Variants in STK3 observed in about 807,000 individuals in gnomAD.
STK3 encodes the protein serine/threonine-protein kinase 3.
Under a neutral mutation model 58.0 loss-of-function variants are expected in STK3, and 41 were observed. The ratio of observed to expected loss-of-function variants is 0.71; its 90% CI spans 0.55 to 0.92. STK3 has a LOEUF of 0.92. STK3 is among the 40% of genes least tolerant of loss of function. STK3 has a pLI of 0.00. For synonymous variants in STK3, 170 were observed against 191.0 expected (o/e 0.89, Z 0.91); for missense variants, 479 against 602.7 (o/e 0.79, Z 2.15).
At chr8:98,877,413 G>T (rs571189637) in intron 3 of STK3, among the ~76,000 whole-genome samples, 75 of 152,100 alleles carry the variant, frequency 4.9e-4, no homozygotes, top group African/African-American at 1.5e-3. Flanking sequence ...TCACTCCTAG[G>T]CTCACTTAAA....
chr8:98,814,050 T>A (rs1368794786), intron 1 of STK3, among the ~76,000 whole-genome samples: 2 of 152,158 alleles, frequency 1.3e-5, no homozygotes, highest in Non-Finnish European at 2.9e-5. Context: ...AATCTTTAAT[T>A]GATTTTTTTC....
At chr8:98,396,344 G>A (rs965988391) in intron 3 of STK3, among the ~76,000 whole-genome samples, 1 of 152,214 alleles carries the variant, frequency 6.6e-6, no homozygotes, top group Non-Finnish European at 1.5e-5. Flanking sequence ...AGCATCCAAA[G>A]CAATTGTGTA....
intron 1 of STK3, chr8:98,905,117 A>G (rs1838839409): frequency 6.9e-7 from 1 of 1,439,800 alleles, no homozygotes; most frequent in Non-Finnish European, 9.7e-7. Flanking sequence ...AGTCTGCCAC[A>G]CGACCCGTAC....
chr8:98,590,312 C>T (rs552998305), intron 7 of STK3, among the ~76,000 whole-genome samples: 8 of 152,272 alleles, frequency 5.3e-5, no homozygotes, highest in African/African-American at 1.7e-4. Flanking sequence ...GCCCTGATGC[C>T]GTTCCTTTCT....
At chr8:98,592,735 T>TTATG (rs1178325596) in intron 7 of STK3, among the ~76,000 whole-genome samples, 1 of 89,134 alleles carries the variant, frequency 1.1e-5, no homozygotes, top group Non-Finnish European at 2.2e-5. Context: ...CTGACTTACT[T>TTATG]TATTTATTTA....
chr8:98,436,787 A>G (rs1176573621), intron 2 of STK3: 2 of 152,340 alleles, frequency 1.3e-5, no homozygotes, highest in East Asian at 3.9e-4. Context: ...AAAGGCTCCC[A>G]GGTGACTTGG....
chr8:98,722,856 A>T (rs1387044138), intron 4 of STK3: 4 of 497,322 alleles, frequency 8.0e-6, no homozygotes, highest in Non-Finnish European at 1.6e-5. Flanking sequence ...ATGAGAGAGG[A>T]TCTGCTTCAT....
intron 3 of STK3, among the ~76,000 whole-genome samples, chr8:98,856,486 A>G (rs963085429): frequency 2.0e-5 from 3 of 152,252 alleles, no homozygotes; most frequent in African/African-American, 7.2e-5. Context: ...AAGGAGACGC[A>G]AACTGAAGCC....
chr8:98,677,621 A>G (rs1175261016), intron 6 of STK3, among the ~76,000 whole-genome samples: 2 of 151,982 alleles, frequency 1.3e-5, no homozygotes, highest in Admixed American at 1.3e-4. Context: ...ACATTTGTAA[A>G]AGGTCATCAA....
rs367659493 is a variant in STK3, at chr8:98,548,120, A to G, written c.990T>C (p.Ser330=). ...ELDSHTMVKT[S]VESVGTMRAT... is the part of the protein sequence containing the mutation. ...CCCGCATGGTGCCCACACTCTCCAC[A>G]CTAGTCTTCACCATGGTGTGGGAAT... is the stretch of plus-strand genomic sequence containing the variant. Residue 330 remains serine (S), a synonymous_variant, in exon 9 of 11, where the codon AGT becomes AGC. Coordinates refer to ENST00000419617, the MANE Select transcript of STK3 (RefSeq NM_006281.4). 468 of 1,592,446 alleles carry G rather than the reference A, an allele frequency of 2.9e-4. 1 individual carries two copies. The highest frequency in any genetic ancestry group is 5.5e-4 in the Admixed American group (31 of 56,578).
chr8:98,444,176 G>A (rs776450130), intron 1 of STK3, among the ~76,000 whole-genome samples: 12 of 152,172 alleles, frequency 7.9e-5, no homozygotes, highest in South Asian at 2.1e-4. Flanking sequence ...CAGAAAGTGC[G>A]GTGACAGTGA....
intron 3 of STK3, chr8:98,431,101 T>C (rs1818319124): frequency 6.0e-6 from 1 of 167,122 alleles, no homozygotes; most frequent in South Asian, 2.1e-4. Flanking sequence ...ATCCAAAGGT[T>C]GGGCCTCTTC....
At chr8:98,408,338 T>C (rs760547347) in intron 3 of STK3, among the ~76,000 whole-genome samples, 1 of 152,206 alleles carries the variant, frequency 6.6e-6, no homozygotes, top group Non-Finnish European at 1.5e-5. Flanking sequence ...ACAACAATAA[T>C]AATAAGCTAA....
intron 3 of STK3, among the ~76,000 whole-genome samples, chr8:98,852,224 G>A (rs1388620363): frequency 2.0e-5 from 3 of 151,096 alleles, no homozygotes; most frequent in East Asian, 1.9e-4. Context: ...TGCAACCTCC[G>A]CCTCCCAGGT....
intron 8 of STK3, among the ~76,000 whole-genome samples, chr8:98,560,414 A>G (rs902054494): frequency 1.3e-5 from 2 of 152,080 alleles, no homozygotes; most frequent in Non-Finnish European, 2.9e-5. Flanking sequence ...TTTCTTACAT[A>G]CCAGCAATAA....
At chr8:98,456,617 TTTCTTCTTC>T (rs370788495) in intron 10 of STK3, among the ~76,000 whole-genome samples, 1 of 152,082 alleles carries the variant, frequency 6.6e-6, no homozygotes, top group African/African-American at 2.4e-5. Flanking sequence ...TTGGTTTTCT[TTTCTTCTTC>T]TTCTTCTTCT....
intron 3 of STK3, among the ~76,000 whole-genome samples, chr8:98,420,998 C>G (rs910667932): frequency 4.6e-5 from 7 of 152,232 alleles, no homozygotes; most frequent in Non-Finnish European, 1.0e-4. Context: ...AGGACTGGGA[C>G]AGCTAGCTTC....
chr8:98,753,687 T>C (rs1339960723), intron 3 of STK3, among the ~76,000 whole-genome samples: 1 of 151,960 alleles, frequency 6.6e-6, no homozygotes, highest in Non-Finnish European at 1.5e-5. Flanking sequence ...AACAAAAGTT[T>C]AAAATTTTCC....
intron 4 of STK3, among the ~76,000 whole-genome samples, chr8:98,716,100 C>T (rs1303519513): frequency 1.3e-5 from 2 of 151,882 alleles, no homozygotes; most frequent in Non-Finnish European, 1.5e-5. Flanking sequence ...CACATGGACA[C>T]AGGAAGGGGA....
Sources: allele counts gnomAD v4.1 joint callset (sites outside exome capture counted in the v4.1 genomes callset), GRCh38; gene constraint gnomAD v4.1.1; transcripts MANE v1.5; gene names NCBI Gene and HGNC (gene_info 2026-07-23, HGNC 2026-07-21).